Variants in LTBP1 observed in about 807,000 individuals in gnomAD.
LTBP1 encodes latent-transforming growth factor beta-binding protein 1.
Under a neutral mutation model 207.6 loss-of-function variants are expected in LTBP1, and 129 were observed. The observed-to-expected ratio is 0.62, with a 90% CI of 0.54 to 0.72. The LOEUF is 0.72. LTBP1 is among the 30% of genes least tolerant of loss of function. The probability of loss-of-function intolerance (pLI) is 0.00; values close to 1 mark genes in which losing one functional copy is unlikely to be tolerated. For synonymous variants in LTBP1, 963 were observed against 833.7 expected (o/e 1.16, Z -2.67); for missense variants, 2,281 against 2,217.2 (o/e 1.03, Z -0.58).
chr2:33,188,196 G>T (rs56282338), intron 6 of LTBP1, among the ~76,000 whole-genome samples: 1 of 151,870 alleles, frequency 6.6e-6, no homozygotes, highest in South Asian at 2.1e-4. Flanking sequence ...CAAGGCAGGC[G>T]GATCACCTGA....
chr2:33,069,916 G>C (rs2077702985), intron 3 of LTBP1, among the ~76,000 whole-genome samples: 1 of 152,182 alleles, frequency 6.6e-6, no homozygotes, highest in Non-Finnish European at 1.5e-5. Context: ...TGGGTACTTG[G>C]TCTGTTGATC....
intron 13 of LTBP1, among the ~76,000 whole-genome samples, chr2:33,262,479 C>T (rs546692716): frequency 2.5e-4 from 38 of 149,752 alleles, no homozygotes; most frequent in Non-Finnish European, 5.0e-4. Flanking sequence ...AAGATATGTG[C>T]GTGGATTAGC....
intron 3 of LTBP1, among the ~76,000 whole-genome samples, chr2:33,045,163 G>T (rs956724098): frequency 1.3e-5 from 2 of 152,118 alleles, no homozygotes; most frequent in Admixed American, 6.5e-5. Flanking sequence ...ATTGCTTTTG[G>T]TGTTTTAGTC....
chr2:33,142,555 A>G (rs1167571439), intron 5 of LTBP1, among the ~76,000 whole-genome samples: 1 of 152,070 alleles, frequency 6.6e-6, no homozygotes, highest in Non-Finnish European at 1.5e-5. Context: ...TTGGAACAAG[A>G]AGGGCAATAG....
intron 5 of LTBP1, among the ~76,000 whole-genome samples, chr2:33,143,788 T>G (rs34618905): frequency 3.0e-5 from 2 of 67,196 alleles, no homozygotes; most frequent in African/African-American, 1.2e-4. Flanking sequence ...TTTTTTGTTG[T>G]TTTTTTTTTT....
chr2:33,384,270 A>T (rs1350733162), intron 31 of LTBP1, among the ~76,000 whole-genome samples: 1 of 152,242 alleles, frequency 6.6e-6, no homozygotes, highest in Non-Finnish European at 1.5e-5. Flanking sequence ...AGGGAAATTA[A>T]TGTGATCAAT....
At chr2:33,278,128 G>A (rs960656774) in intron 18 of LTBP1, among the ~76,000 whole-genome samples, 1 of 151,628 alleles carries the variant, frequency 6.6e-6, no homozygotes, top group East Asian at 1.9e-4. Context: ...TACTGCACCC[G>A]GCCCAAATAC....
chr2:33,134,641 C>CT lies in LTBP1; in HGVS notation c.1034-149dup. 1 of 1,545,870 alleles carries CT rather than the reference C, an allele frequency of 6.5e-7. No homozygotes were observed. The highest frequency in any genetic ancestry group is 8.7e-7 in the Non-Finnish European group (1 of 1,146,388). On this transcript the variant is annotated intron_variant, in intron 4 of 33. Transcript: ENST00000404816. This position sits in a 1 kb window ranked among gnomAD's most constrained non-coding sequence, Gnocchi z 4.4. Reference sequence around the variant, plus strand: ...AGCAGCGAGCACTGAAGGCTTCCCTCTTTCCTTAAACCTGTCGGGTTGTGG... The same window carrying CT: ...AGCAGCGAGCACTGAAGGCTTCCCTCTTTTCCTTAAACCTGTCGGGTTGTGG...
intron 2 of LTBP1, among the ~76,000 whole-genome samples, chr2:33,017,070 T>C (rs1688483190): frequency 6.6e-6 from 1 of 152,176 alleles, no homozygotes; most frequent in African/African-American, 2.4e-5. Flanking sequence ...TTTATAATAT[T>C]CCACATAGTC....
intron 13 of LTBP1, among the ~76,000 whole-genome samples, chr2:33,261,389 G>C (rs1378455165): frequency 6.6e-6 from 1 of 152,182 alleles, no homozygotes; most frequent in Non-Finnish European, 1.5e-5. Flanking sequence ...GTTTTAAGAA[G>C]ACAGAGGAAA....
At chr2:32,986,494 A>C (rs1683595451) in intron 2 of LTBP1, among the ~76,000 whole-genome samples, 1 of 152,218 alleles carries the variant, frequency 6.6e-6, no homozygotes, top group Admixed American at 6.5e-5. Flanking sequence ...CAGGGGTTCA[A>C]ATGGTGATAC....
intron 1 of LTBP1, 146 bp from the exon 2 acceptor site, chr2:32,948,729 G>T: frequency 1.4e-6 from 1 of 723,798 alleles, no homozygotes; most frequent in South Asian, 1.7e-5. Context: ...GCTTTGGGTT[G>T]GGCATCCAGG....
chr2:33,154,392 A>C (rs554944753), intron 5 of LTBP1, among the ~76,000 whole-genome samples: 24 of 152,200 alleles, frequency 1.6e-4, no homozygotes, highest in African/African-American at 5.5e-4. Flanking sequence ...ACTCTTTCCC[A>C]TTTCTGTCTT....
At chr2:32,952,168 G>A (rs1177603063) in intron 2 of LTBP1, among the ~76,000 whole-genome samples, 1 of 152,210 alleles carries the variant, frequency 6.6e-6, no homozygotes, top group African/African-American at 2.4e-5. Flanking sequence ...AGCCTGGATT[G>A]TTTTTAGTTG....
chr2:32,977,360 C>G (rs1192659596), intron 2 of LTBP1, among the ~76,000 whole-genome samples: 1 of 152,218 alleles, frequency 6.6e-6, no homozygotes, highest in Non-Finnish European at 1.5e-5. Context: ...CCCAGTACAG[C>G]AGGAGGCTGT....
At chr2:33,044,039 T>G (rs1376626921) in intron 3 of LTBP1, among the ~76,000 whole-genome samples, 1 of 116,504 alleles carries the variant, frequency 8.6e-6, no homozygotes, top group East Asian at 2.0e-4. Context: ...TTTCTGTTCG[T>G]TTTTTTTTTT....
chr2:33,277,107 C>T (rs2093440860), intron 18 of LTBP1, among the ~76,000 whole-genome samples: 1 of 152,110 alleles, frequency 6.6e-6, no homozygotes, highest in Admixed American at 6.5e-5. Flanking sequence ...CTCAGCTGTC[C>T]CCTGGCTTCT....
intron 2 of LTBP1, among the ~76,000 whole-genome samples, chr2:32,975,729 G>T (rs1681671274): frequency 6.7e-6 from 1 of 149,618 alleles, no homozygotes; most frequent in South Asian, 2.1e-4. Context: ...AATTCTTGTT[G>T]TGAGTTTTTT....
At chr2:33,316,835 T>A (rs1043572683) in intron 24 of LTBP1, among the ~76,000 whole-genome samples, 2 of 152,166 alleles carry the variant, frequency 1.3e-5, no homozygotes, top group Admixed American at 1.3e-4. Flanking sequence ...GGAAACAGAT[T>A]TGCAGAATTC....
Sources: allele counts gnomAD v4.1 joint callset (sites outside exome capture counted in the v4.1 genomes callset), GRCh38; gene constraint gnomAD v4.1.1; non-coding constraint Gnocchi (gnomAD v3.1); transcripts MANE v1.5; gene names NCBI Gene and HGNC (gene_info 2026-07-23, HGNC 2026-07-21).